Variants in CCDC30 observed in about 807,000 individuals in gnomAD.
The protein encoded by CCDC30 is coiled-coil domain-containing protein 30.
In CCDC30, 70 loss-of-function variants were observed where a neutral mutation model predicts 100.2. That is an observed-to-expected ratio of 0.70 (90% CI 0.58 to 0.85). The LOEUF (loss-of-function observed/expected upper bound fraction) is 0.85, where lower values mean the gene tolerates loss of function less well. Among genes scored for constraint, CCDC30 ranks in the 40% least tolerant of loss-of-function variants. The pLI, the probability that CCDC30 is intolerant of heterozygous loss-of-function variation, is 0.00. For missense variants in CCDC30, 652 were observed against 771.2 expected, an observed-to-expected ratio of 0.85 and a Z score of 1.83; for synonymous variants, 233 against 269.5, an observed-to-expected ratio of 0.86 and a Z score of 1.33.
At chr1:42,493,400 C>T (rs1232970647) in intron 4 of CCDC30, among the ~76,000 whole-genome samples, 1 of 151,874 alleles carries the variant, frequency 6.6e-6, no homozygotes, top group Non-Finnish European at 1.5e-5. Context: ...CTATCCTGGC[C>T]AACATGGTGA....
intron 9 of CCDC30, among the ~76,000 whole-genome samples, chr1:42,582,974 C>T (rs76974029): frequency 6.6e-6 from 1 of 152,292 alleles, no homozygotes; most frequent in African/African-American, 2.4e-5. Flanking sequence ...ATTTCTCTGT[C>T]AGAATTGTGG....
At chr1:42,646,521 G>A (rs1215348618) in intron 15 of CCDC30, among the ~76,000 whole-genome samples, 1 of 152,204 alleles carries the variant, frequency 6.6e-6, no homozygotes, top group Non-Finnish European at 1.5e-5. Flanking sequence ...ACAACTTCCT[G>A]CAGGCAGAAA....
chr1:42,587,660 A>G (rs147685466), intron 9 of CCDC30, among the ~76,000 whole-genome samples: 38 of 152,340 alleles, frequency 2.5e-4, no homozygotes, highest in African/African-American at 9.1e-4. Flanking sequence ...TTGATTTCTC[A>G]GAATACTGAA....
intron 4 of CCDC30, 76 bp from the exon 5 acceptor site, chr1:42,497,022 C>T (rs1230271235): frequency 2.9e-6 from 2 of 690,168 alleles, no homozygotes; most frequent in Non-Finnish European, 4.1e-6. Flanking sequence ...ATAGCACTTC[C>T]TTCGTTTTTA....
chr1:42,649,252 C>T (rs1648137277), intron 15 of CCDC30, among the ~76,000 whole-genome samples: 1 of 152,132 alleles, frequency 6.6e-6, no homozygotes, highest in East Asian at 1.9e-4. Flanking sequence ...GATCATTCAC[C>T]ATGATCAAGT....
Position 42,490,113 on chromosome 1 carries a change from A to C in CCDC30, c.170-45A>C, listed in dbSNP as rs1644114671. The C allele has an allele frequency of 7.1e-6, 5 of 706,682 alleles. No homozygotes were observed. The East Asian group carries it at 1.7e-4, about 24-fold the overall frequency. 43.8% of individuals were successfully genotyped at this position (706,682 alleles called of 1,614,324 possible). A position where few individuals can be genotyped will look rare whatever the true frequency, so the allele number is the denominator to read the frequency against. On this transcript the variant is annotated intron_variant, in intron 3 of 16. Transcript: ENST00000668663. ...GAGTCATTTGAAATTTGATTATTAT[A>C]CTAATCATTTGTTCCTTATACAAAT... is the stretch of plus-strand genomic sequence containing the variant.
intron 12 of CCDC30, among the ~76,000 whole-genome samples, chr1:42,638,559 C>CAAAA (rs55773821): frequency 1.1e-4 from 13 of 116,350 alleles, no homozygotes; most frequent in East Asian, 2.4e-4. Flanking sequence ...CACCCATGGG[C>CAAAA]AAAAAAAAAA....
chr1:42,609,064 C>T (rs1366005149), intron 10 of CCDC30, among the ~76,000 whole-genome samples: 1 of 152,120 alleles, frequency 6.6e-6, no homozygotes, highest in Non-Finnish European at 1.5e-5. Context: ...AGTCAAATTA[C>T]AGTGTATTTC....
chr1:42,582,838 A>G (rs558259363), intron 9 of CCDC30, among the ~76,000 whole-genome samples: 2 of 152,308 alleles, frequency 1.3e-5, no homozygotes, highest in East Asian at 3.9e-4. Context: ...ACAATTCTTC[A>G]AAGAAGTGCT....
chr1:42,536,175 A>G (rs1644900844), intron 6 of CCDC30, among the ~76,000 whole-genome samples: 1 of 152,150 alleles, frequency 6.6e-6, no homozygotes, highest in African/African-American at 2.4e-5. Flanking sequence ...AATAATTTGG[A>G]AAGATTTCAA....
downstream of CCDC30, among the ~76,000 whole-genome samples, chr1:42,657,162 T>C (rs1648692488): frequency 1.3e-5 from 2 of 152,222 alleles, no homozygotes; most frequent in African/African-American, 2.4e-5. Flanking sequence ...ATAATAACTA[T>C]TTTATTAAAT....
At chr1:42,569,780 G>A (rs996553719) in intron 7 of CCDC30, among the ~76,000 whole-genome samples, 2 of 152,186 alleles carry the variant, frequency 1.3e-5, no homozygotes, top group African/African-American at 4.8e-5. Context: ...TATACACCGT[G>A]GAATAATATG....
intron 15 of CCDC30, among the ~76,000 whole-genome samples, chr1:42,648,268 C>T (rs114537821): frequency 0.066 from 10,086 of 152,074 alleles, 575 homozygotes; most frequent in African/African-American, 0.15. Flanking sequence ...ACAACAAACA[C>T]CTATATCAAA....
chr1:42,616,529 T>A (rs1646730414), intron 11 of CCDC30, among the ~76,000 whole-genome samples: 2 of 152,230 alleles, frequency 1.3e-5, no homozygotes, highest in Admixed American at 6.5e-5. Context: ...CAATGGTTAT[T>A]TTTTACGTTT....
chr1:42,646,585 ACTCTG>A (rs148182163), intron 15 of CCDC30, among the ~76,000 whole-genome samples: 9 of 152,220 alleles, frequency 5.9e-5, no homozygotes, highest in African/African-American at 2.2e-4. Flanking sequence ...AAGAGGTGGG[ACTCTG>A]CTCTGTAACT....
chr1:42,578,650 G>T (rs531734906), intron 8 of CCDC30, among the ~76,000 whole-genome samples: 2 of 151,588 alleles, frequency 1.3e-5, no homozygotes, highest in South Asian at 4.1e-4. Context: ...ACTTCACTTG[G>T]AAGAGTTAAC....
At chr1:42,508,039 A>G (rs1171662993) in intron 6 of CCDC30, among the ~76,000 whole-genome samples, 1 of 152,220 alleles carries the variant, frequency 6.6e-6, no homozygotes, top group Non-Finnish European at 1.5e-5. Context: ...CACAACACAT[A>G]TATAGCTACC....
At chr1:42,626,941 T>C (rs1055813331) in intron 11 of CCDC30, among the ~76,000 whole-genome samples, 1 of 152,060 alleles carries the variant, frequency 6.6e-6, no homozygotes, top group East Asian at 1.9e-4. Flanking sequence ...TTGGTACCAG[T>C]AGATTGGGGC....
At chr1:42,559,119 G>A (rs1645432129) in intron 6 of CCDC30, among the ~76,000 whole-genome samples, 2 of 152,154 alleles carry the variant, frequency 1.3e-5, no homozygotes, top group Non-Finnish European at 2.9e-5. Flanking sequence ...CACCAGGCCT[G>A]CGCTGCAAGA....
Sources: gnomAD v4.1 joint callset for allele counts (sites outside exome capture counted in the v4.1 genomes callset) on GRCh38, gnomAD v4.1.1 for gene constraint, MANE v1.5 for transcripts, NCBI Gene and HGNC (gene_info 2026-07-23, HGNC 2026-07-21) for gene names.